Variants in KIRREL3 observed in about 807,000 individuals in gnomAD.
The protein encoded by KIRREL3 is kirre like nephrin family adhesion molecule 3.
KIRREL3 carries 36 observed loss-of-function variants against 89.7 expected under a neutral mutation model. The ratio of observed to expected loss-of-function variants is 0.40; its 90% CI spans 0.31 to 0.53. KIRREL3 has a LOEUF of 0.53. KIRREL3 is among the 20% of genes least tolerant of loss of function. The probability of loss-of-function intolerance (pLI) is 0.49; values close to 1 mark genes in which losing one functional copy is unlikely to be tolerated. For missense variants in KIRREL3, 864 were observed against 1,056.6 expected (o/e 0.82, Z 2.53); for synonymous variants, 445 against 441.4 (o/e 1.01, Z -0.10).
chr11:126,559,824 C>A (rs1278022429), intron 2 of KIRREL3, among the ~76,000 whole-genome samples: 4 of 151,946 alleles, frequency 2.6e-5, no homozygotes, highest in East Asian at 3.9e-4. Flanking sequence ...TGCGCACCAC[C>A]AACCCTGGCT....
rs1044446367 is a variant in KIRREL3 at position 126,969,935 on chromosome 11, A to G, written c.55+30520T>C. 1.3e-5 allele frequency among the ~76,000 whole-genome samples: 2 copies of G among 152,210 alleles called. No individual in the cohort carries two copies. ...TAGGGCTGGTAGTTAGTTCCAGCAA[A>G]ACCATTGAGGGGAAACAAAGGAAGT... On this transcript the variant is annotated intron_variant, in intron 1 of 16. Transcript: ENST00000525144. The surrounding 1 kb of genome is among the most constrained non-coding windows in gnomAD (Gnocchi z 4.9).
At position 126,568,845 on chromosome 11, in the gene KIRREL3, T is replaced by C. The variant is rs1345071916; in HGVS notation, c.56-5933A>G. ...TTCTACCCCCCTCGTTTTTTTCTTT[T>C]TCAGATATGAAAGTGGAGATGCAGA... On this transcript the variant is annotated intron_variant, in intron 1 of 16. Transcript: ENST00000525144. The surrounding 1 kb of genome is among the most constrained non-coding windows in gnomAD (Gnocchi z 4.6). 6.6e-6 allele frequency among the ~76,000 whole-genome samples: 1 copy of C among 152,128 alleles called. No homozygotes were observed. Among genetic ancestry groups the C allele is most frequent in the Non-Finnish European group, 1.5e-5 (1 of 68,024 alleles).
At position 126,565,239 on chromosome 11, in the gene KIRREL3, T is replaced by G. The variant is rs1285137571; in HGVS notation, c.56-2327A>C. On this transcript the variant is annotated intron_variant, in intron 1 of 16. Transcript: ENST00000525144. The surrounding 1 kb of genome is among the most constrained non-coding windows in gnomAD (Gnocchi z 5.4). ...TGTGAGCAATCTGTTGACTCTGGATTGTCTTAGTTGGATAGAGAACTCAAC... is the reference window on the plus strand; with the variant it reads ...TGTGAGCAATCTGTTGACTCTGGATGGTCTTAGTTGGATAGAGAACTCAAC... 1.3e-5 allele frequency among the ~76,000 whole-genome samples: 2 copies of G among 152,190 alleles called. No homozygotes were observed. The highest frequency in any genetic ancestry group is 4.8e-5 in the African/African-American group (2 of 41,440).
intron 1 of KIRREL3, among the ~76,000 whole-genome samples, chr11:126,701,197 C>T (rs1472096766): frequency 1.3e-5 from 2 of 152,118 alleles, no homozygotes; most frequent in South Asian, 2.1e-4. Context: ...AAATGAATTG[C>T]GTGATTGGTG....
At chr11:126,852,352 C>T (rs7123553) in intron 1 of KIRREL3, among the ~76,000 whole-genome samples, 129,169 of 152,192 alleles carry the variant, frequency 0.85, 55,012 homozygotes, top group East Asian at 1. Flanking sequence ...AGCGCCCGGC[C>T]GATCATGGCT....
intron 1 of KIRREL3, among the ~76,000 whole-genome samples, chr11:126,862,301 G>A (rs1944731091): frequency 6.6e-6 from 1 of 152,210 alleles, no homozygotes; most frequent in Non-Finnish European, 1.5e-5. Flanking sequence ...GTCCCATTAA[G>A]ACATCCTGTC....
chr11:126,672,424 C>A (rs1314617291), intron 1 of KIRREL3, among the ~76,000 whole-genome samples: 3 of 152,124 alleles, frequency 2.0e-5, no homozygotes, highest in Non-Finnish European at 4.4e-5. Flanking sequence ...TATCAGGCGA[C>A]AACATGGATG....
At position 126,723,346 on chromosome 11, in the gene KIRREL3, G is replaced by T. The variant is rs1948253994; in HGVS notation, c.56-160434C>A. Among the ~76,000 whole-genome samples, 1 of 152,222 alleles carries T rather than the reference G, an allele frequency of 6.6e-6. No homozygotes were observed. ...TGCTGAGCCAGAGAACACAGCATTA[G>T]TGGGAGCTGTGGAGAGGAGGCTAGA... On this transcript the variant is annotated intron_variant, in intron 1 of 16. Coordinates refer to ENST00000525144, the MANE Select transcript of KIRREL3 (RefSeq NM_032531.4). The surrounding 1 kb of genome is among the most constrained non-coding windows in gnomAD (Gnocchi z 4.0).
rs1410342544 is a variant in KIRREL3 at position 126,564,348 on chromosome 11, T to C, written c.56-1436A>G. ...AGGATGAAAGAGAGTGCAGGGCCCA[T>C]GAGACACAGATAAGTCAAGCTCAGG... On this transcript the variant is annotated intron_variant, in intron 1 of 16. Transcript: ENST00000525144. The surrounding 1 kb of genome is among the most constrained non-coding windows in gnomAD (Gnocchi z 7.4). 2.6e-5 allele frequency among the ~76,000 whole-genome samples: 4 copies of C among 152,148 alleles called. No individual in the cohort carries two copies. The highest frequency in any genetic ancestry group is 9.7e-5 in the African/African-American group (4 of 41,420).
chr11:126,483,905 C>T (rs1163481156), intron 4 of KIRREL3, among the ~76,000 whole-genome samples: 3 of 152,210 alleles, frequency 2.0e-5, no homozygotes, highest in Admixed American at 2.0e-4. Flanking sequence ...ATTGTCACCT[C>T]CTCCACAAAG....
chr11:126,600,405 G>A (rs529180), intron 1 of KIRREL3, among the ~76,000 whole-genome samples: 122,561 of 152,236 alleles, frequency 0.81, 49,512 homozygotes, highest in South Asian at 0.88. Context: ...ATAAATGTCT[G>A]TTGTCTTAAA....
rs552933830 is a variant in KIRREL3 at position 126,605,813 on chromosome 11, G to A, written c.56-42901C>T. On this transcript the variant is annotated intron_variant, in intron 1 of 16. Coordinates refer to ENST00000525144, the MANE Select transcript of KIRREL3 (RefSeq NM_032531.4). This position sits in a 1 kb window ranked among gnomAD's most constrained non-coding sequence, Gnocchi z 5.7. ...TGAGGTCTGGAGGGCATGGGACATG[G>A]TCCCTCTTGGGAGTTAAGCAGAGGG... 6.6e-6 allele frequency among the ~76,000 whole-genome samples: 1 copy of A among 152,328 alleles called. No individual in the cohort carries two copies. The highest frequency in any genetic ancestry group is 2.1e-4 in the South Asian group (1 of 4,826).
At chr11:126,511,047 C>CTCTGTGTGTGTG (rs745898428) in intron 4 of KIRREL3, among the ~76,000 whole-genome samples, 1 of 142,170 alleles carries the variant, frequency 7.0e-6, no homozygotes, top group Non-Finnish European at 1.5e-5. Context: ...ATCTGCAGTG[C>CTCTGTGTGTGTG]TGTGTGTGTG....
intron 1 of KIRREL3, among the ~76,000 whole-genome samples, chr11:126,998,708 T>C (rs760598949): frequency 1.2e-4 from 18 of 152,220 alleles, no homozygotes; most frequent in Non-Finnish European, 2.5e-4. Context: ...AGGGAGGTAC[T>C]TAGACACCTA....
chr11:126,823,609 A>G (rs1393514505), intron 1 of KIRREL3, among the ~76,000 whole-genome samples: 1 of 152,182 alleles, frequency 6.6e-6, no homozygotes, highest in African/African-American at 2.4e-5. Flanking sequence ...AGTGGGGGAC[A>G]TGGTTTGTCA....
rs1331054074 is a variant in KIRREL3 at position 126,994,379 on chromosome 11, C to A, written c.55+6076G>T. Among the ~76,000 whole-genome samples, 1 of 152,168 alleles carries A rather than the reference C, an allele frequency of 6.6e-6. No homozygotes were observed. The highest frequency in any genetic ancestry group is 1.5e-5 in the Non-Finnish European group (1 of 68,036). ...CACCCTTCATGCCCCAACAGAACAG[C>A]TCCACACAGAGCAGATTCACCTATG... On this transcript the variant is annotated intron_variant, in intron 1 of 16. Transcript: ENST00000525144. The surrounding 1 kb of genome is among the most constrained non-coding windows in gnomAD (Gnocchi z 5.2).
chr11:126,540,706 C>T (rs1362658595), intron 2 of KIRREL3, among the ~76,000 whole-genome samples: 1 of 152,198 alleles, frequency 6.6e-6, no homozygotes, highest in African/African-American at 2.4e-5. Flanking sequence ...CATGGCAGAG[C>T]CCATCCATCC....
At position 126,940,624 on chromosome 11, in the gene KIRREL3, T is replaced by C. The variant is rs780940611; in HGVS notation, c.55+59831A>G. On this transcript the variant is annotated intron_variant, in intron 1 of 16. Transcript: ENST00000525144. This position sits in a 1 kb window ranked among gnomAD's most constrained non-coding sequence, Gnocchi z 4.6. ...CATTTTCACCCTTCTCAGCCATACC[T>C]GGAAGTGGCCATTCATTTTTACATT... is the stretch of plus-strand genomic sequence containing the variant. 3.3e-5 allele frequency: 5 copies of C among 152,276 alleles called. No individual in the cohort carries two copies. The highest frequency in any genetic ancestry group is 7.3e-5 in the Non-Finnish European group (5 of 68,040). The allele number at this position is 152,276 out of a possible 1,614,324, so 9.4% of individuals were successfully genotyped here.
intron 1 of KIRREL3, among the ~76,000 whole-genome samples, chr11:126,735,822 G>A (rs931280205): frequency 2.0e-5 from 3 of 152,166 alleles, no homozygotes; most frequent in Admixed American, 1.3e-4. Flanking sequence ...CTCAGATACG[G>A]CATTTATCAT....
Sources: gnomAD v4.1 joint callset for allele counts (sites outside exome capture counted in the v4.1 genomes callset) on GRCh38, gnomAD v4.1.1 for gene constraint, Gnocchi (gnomAD v3.1) non-coding constraint, MANE v1.5 for transcripts, NCBI Gene and HGNC (gene_info 2026-07-23, HGNC 2026-07-21) for gene names.